Variants in PCDH15 observed in about 807,000 individuals in gnomAD.
The protein encoded by PCDH15 is protocadherin-15.
PCDH15 carries 129 observed loss-of-function variants against 178.5 expected under a neutral mutation model. The observed-to-expected ratio is 0.72, with a 90% CI of 0.63 to 0.84. The LOEUF (loss-of-function observed/expected upper bound fraction) is 0.84. PCDH15 is among the 40% of genes least tolerant of loss of function. The pLI, the probability that PCDH15 is intolerant of heterozygous loss-of-function variation, is 0.00. For synonymous variants in PCDH15, 800 were observed against 732.0 expected, an observed-to-expected ratio of 1.09 and a Z score of -1.50; for missense variants, 2,230 against 2,099.9, an observed-to-expected ratio of 1.06 and a Z score of -1.21.
intron 20 of PCDH15, among the ~76,000 whole-genome samples, chr10:54,018,523 C>T (rs1320868419): frequency 3.9e-5 from 6 of 151,996 alleles, no homozygotes. Flanking sequence ...CAAAATACAA[C>T]CTGAAAATAT....
intron 18 of PCDH15, among the ~76,000 whole-genome samples, chr10:54,025,715 T>C (rs2135357272): frequency 1.3e-5 from 2 of 152,198 alleles, no homozygotes; most frequent in East Asian, 3.9e-4. Flanking sequence ...GTCAGGCTGG[T>C]CTCAAACCCC....
rs757418440 is a variant in PCDH15, at chr10:53,903,241, A to G, written c.3501+2T>C. The stretch of plus-strand genomic sequence containing the variant: ...TCTGTATATTAACATAATTCCGCAT[A>G]CCTTCACTCTGAGTACAGAAGTAAA... On this transcript the variant is annotated splice_donor_variant, in intron 26 of 37. Transcript: ENST00000644397. LOFTEE classifies it high-confidence loss of function. 4 of 1,612,666 alleles carry G rather than the reference A, an allele frequency of 2.5e-6. No individual in the cohort carries two copies. The highest frequency in any genetic ancestry group is 3.4e-6 in the Non-Finnish European group (4 of 1,179,242).
chr10:55,004,093 G>A (rs537683198), intron 2 of PCDH15, among the ~76,000 whole-genome samples: 1 of 152,308 alleles, frequency 6.6e-6, no homozygotes, highest in African/African-American at 2.4e-5. Context: ...TAATGGGACT[G>A]AAGTTTATTT....
chr10:55,143,443 T>C (rs1266640382), intron 2 of PCDH15, among the ~76,000 whole-genome samples: 1 of 152,146 alleles, frequency 6.6e-6, no homozygotes, highest in Non-Finnish European at 1.5e-5. Context: ...CACTGGACTT[T>C]TTTCTTGACA....
intron 1 of PCDH15, among the ~76,000 whole-genome samples, chr10:54,670,222 G>T (rs187910638): frequency 2.0e-5 from 3 of 152,050 alleles, no homozygotes; most frequent in East Asian, 1.9e-4. Context: ...CATTTACAAG[G>T]TCTTTCATTT....
chr10:55,220,027 G>T (rs1460747620), intron 1 of PCDH15, among the ~76,000 whole-genome samples: 3 of 151,806 alleles, frequency 2.0e-5, no homozygotes, highest in Admixed American at 1.3e-4. Context: ...TATCACATGA[G>T]ATATCAGAAA....
chr10:55,599,763 C>T (rs1427175259), intron 2 of PCDH15: 2 of 428,152 alleles, frequency 4.7e-6, no homozygotes, highest in Non-Finnish European at 8.1e-6. Context: ...CACCCCATCT[C>T]TCTACCAAAA....
intron 15 of PCDH15, among the ~76,000 whole-genome samples, chr10:54,115,148 T>G (rs913382670): frequency 1.3e-5 from 2 of 152,084 alleles, no homozygotes; most frequent in African/African-American, 4.8e-5. Flanking sequence ...TGTAGAATCA[T>G]GTAAATATCT....
chr10:54,108,352 C>T (rs1271981868), intron 15 of PCDH15, among the ~76,000 whole-genome samples: 6 of 152,112 alleles, frequency 3.9e-5, no homozygotes, highest in Admixed American at 3.9e-4. Context: ...AATTGTGAGG[C>T]TTTGCATTGA....
At chr10:55,012,273 A>G (rs892857282) in intron 2 of PCDH15, among the ~76,000 whole-genome samples, 2 of 152,126 alleles carry the variant, frequency 1.3e-5, no homozygotes, top group African/African-American at 2.4e-5. Context: ...ACTCAGTCAT[A>G]TAAGTTTTGA....
chr10:53,915,285 G>A (rs1016709533), intron 25 of PCDH15, among the ~76,000 whole-genome samples: 11 of 152,090 alleles, frequency 7.2e-5, no homozygotes, highest in African/African-American at 2.4e-4. Flanking sequence ...AGCATGAGAA[G>A]CTCACTGGTT....
At chr10:54,054,717 A>G (rs1350187774) in intron 18 of PCDH15, among the ~76,000 whole-genome samples, 1 of 150,518 alleles carries the variant, frequency 6.6e-6, no homozygotes, top group Non-Finnish European at 1.5e-5. Flanking sequence ...CTGAAACATG[A>G]CCACATTTCA....
At chr10:53,921,714 T>C (rs2084011983) in intron 25 of PCDH15, among the ~76,000 whole-genome samples, 1 of 152,178 alleles carries the variant, frequency 6.6e-6, no homozygotes, top group African/African-American at 2.4e-5. Flanking sequence ...TGTTTTTGTT[T>C]TTCCTTAGAC....
At chr10:53,893,814 G>A (rs2081755254) in intron 26 of PCDH15, among the ~76,000 whole-genome samples, 1 of 152,154 alleles carries the variant, frequency 6.6e-6, no homozygotes, top group African/African-American at 2.4e-5. Flanking sequence ...GGAGGAAGGT[G>A]AGGGGTAAAA....
At chr10:54,843,385 C>A (rs1953452199) in intron 3 of PCDH15, among the ~76,000 whole-genome samples, 1 of 151,960 alleles carries the variant, frequency 6.6e-6, no homozygotes, top group African/African-American at 2.4e-5. Context: ...ACATTTCCTT[C>A]TGACATGCTC....
chr10:54,245,013 T>C (rs1212618079), intron 8 of PCDH15, among the ~76,000 whole-genome samples: 1 of 152,154 alleles, frequency 6.6e-6, no homozygotes, highest in East Asian at 1.9e-4. Flanking sequence ...TTGTGATGAC[T>C]TCAATTCATT....
chr10:55,292,580 C>G (rs1455071051), intron 1 of PCDH15, among the ~76,000 whole-genome samples: 1 of 152,088 alleles, frequency 6.6e-6, no homozygotes, highest in African/African-American at 2.4e-5. Flanking sequence ...TGCAGTTTCA[C>G]CATGTTGGCC....
intron 26 of PCDH15, among the ~76,000 whole-genome samples, chr10:53,896,314 C>CA (rs778142647): frequency 6.0e-4 from 92 of 152,280 alleles, no homozygotes; most frequent in Middle Eastern, 3.4e-3. Flanking sequence ...CTTCTTCACA[C>CA]AAAAAATTAC....
chr10:54,325,808 C>T (rs1023118836), intron 7 of PCDH15, among the ~76,000 whole-genome samples: 2 of 152,084 alleles, frequency 1.3e-5, no homozygotes, highest in South Asian at 2.1e-4. Context: ...AGTTGGGAGG[C>T]TGAGGCATGA....
Sources: gnomAD v4.1 joint callset for allele counts (sites outside exome capture counted in the v4.1 genomes callset) on GRCh38, gnomAD v4.1.1 for gene constraint, MANE v1.5 for transcripts, NCBI Gene and HGNC (gene_info 2026-07-23, HGNC 2026-07-21) for gene names.